PC: variants seen among roughly 807,000 people sequenced by gnomAD.
PC encodes pyruvate carboxylase, mitochondrial.
A neutral mutation model predicts 107.8 loss-of-function variants in PC; 46 were observed. That is an observed-to-expected ratio of 0.43 (90% confidence interval 0.34 to 0.55). The LOEUF is 0.55. Among genes scored for constraint, PC ranks in the 20% least tolerant of loss-of-function variants. The pLI, the probability that PC is intolerant of heterozygous loss-of-function variation, is 0.04. For synonymous variants in PC, 662 were observed against 684.7 expected, an observed-to-expected ratio of 0.97 and a Z score of 0.52; for missense variants, 1,241 against 1,643.1, an observed-to-expected ratio of 0.76 and a Z score of 4.23.
chr11:66,882,728 CG>C (rs1403453616), intron 3 of PC, among the ~76,000 whole-genome samples: 4 of 152,028 alleles, frequency 2.6e-5, no homozygotes, highest in Non-Finnish European at 4.4e-5. Context: ...GCAGAGCACT[CG>C]GGGCTGCGGC....
chr11:66,871,268 C>A lies in PC; in HGVS notation c.487+47G>T, dbSNP rs763419878. The A allele has an allele frequency of 4.8e-5, 78 of 1,613,974 alleles. No individual in the cohort carries two copies. The highest frequency in any genetic ancestry group is 4.3e-4 in the Admixed American group (26 of 60,012). On this transcript the variant is annotated intron_variant, in intron 6 of 22. Transcript: ENST00000393960. The surrounding 1 kb of genome is among the most constrained non-coding windows in gnomAD (Gnocchi z 7.4). ...CCCTGCCACCCCTCCCTGCTGGACC[C>A]TCTCCAGGAGCTGCGGGGCCACCCC...
At position 66,944,991 on chromosome 11, in the gene PC, G is replaced by A. The variant is rs1323723560; in HGVS notation, c.-1+7439C>T. On this transcript the variant is annotated intron_variant, in intron 3 of 22. Transcript: ENST00000393960. ...TTTCTAACAAGAATTTGATGGCAAT[G>A]GGCTCTCCAAAGATTGGTAGCTCTC... Among the ~76,000 whole-genome samples, 7 of 117,844 alleles carry A rather than the reference G, an allele frequency of 5.9e-5. 3 individuals carry two copies. The highest frequency in any genetic ancestry group is 2.1e-4 in the African/African-American group (7 of 32,850). 77.3% of individuals were successfully genotyped at this position (117,844 alleles called of 152,430 possible).
At chr11:66,907,441 C>T (rs1210091732) in intron 3 of PC, among the ~76,000 whole-genome samples, 7 of 152,110 alleles carry the variant, frequency 4.6e-5, no homozygotes, top group African/African-American at 1.4e-4. Flanking sequence ...GCAGAAGAAT[C>T]GCTTGAACCC....
intron 3 of PC, among the ~76,000 whole-genome samples, chr11:66,948,930 A>G (rs959533108): frequency 6.6e-6 from 1 of 152,110 alleles, no homozygotes; most frequent in Non-Finnish European, 1.5e-5. Context: ...GATTTACAAG[A>G]GTCATTTAGG....
Position 66,853,305 on chromosome 11 carries a change from C to T in PC, c.1447G>A (p.Glu483Lys), listed in dbSNP as rs778714142. 5 of 1,614,006 alleles carry T rather than the reference C, an allele frequency of 3.1e-6. No individual in the cohort carries two copies. Among genetic ancestry groups the T allele is most frequent in the Non-Finnish European group, 3.4e-6 (4 of 1,179,990 alleles). Residue 483 changes from glutamate to lysine, a missense_variant, in exon 13 of 23, where the codon GAG (glutamate) becomes AAG (lysine). Transcript: ENST00000393960. Reference protein sequence around the residue: ...AGTVDTQFIDENPELFQLRPA... With the variant: ...AGTVDTQFIDKNPELFQLRPA... ...CGCAGCTGGAACAGCTCTGGGTTCTCGTCGATGAACTGGGTGTCCACAGTG... is the reference window on the plus strand; with the variant it reads ...CGCAGCTGGAACAGCTCTGGGTTCTTGTCGATGAACTGGGTGTCCACAGTG...
In PC at chr11:66,870,325, C is replaced by G; in HGVS notation, c.880G>C (p.Asp294His). 6.2e-7 allele frequency: 1 copy of G among 1,613,532 alleles called. No homozygotes were observed. Among genetic ancestry groups the G allele is most frequent in the Non-Finnish European group, 8.5e-7 (1 of 1,180,016 alleles). The part of the protein sequence containing the change: ...DPQLRTRLTS[D>H]SVKLAKQVGY... ...ACCTGTTTAGCGAGTTTCACAGAGT[C>G]GCTGGTGAGCCGAGTCCGAAGCTGC... The change falls in exon 9 of 23, where the codon GAC (aspartate) becomes CAC (histidine). Residue 294 changes from aspartate (D) to histidine (H), a missense_variant. Physicochemically the swap from Asp to His is moderately conservative, Grantham distance 81. Around this residue, in one of 2 missense-constraint regions of PC, gnomAD observed 1,143 missense variants for 1,551.9 expected, o/e 0.74. Coordinates refer to ENST00000393960, the MANE Select transcript of PC (RefSeq NM_001040716.2). The surrounding 1 kb of genome is among the most constrained non-coding windows in gnomAD (Gnocchi z 6.1).
rs1947671762 is a variant in PC at position 66,894,248 on chromosome 11, G to A, written c.1-22089C>T. On this transcript the variant is annotated intron_variant, in intron 3 of 22. Coordinates refer to ENST00000393960, the MANE Select transcript of PC (RefSeq NM_001040716.2). ...TAGTGCACCCTGCCTGTCCAGCCTT[G>A]TCCCCCCATGCCCCAGCCTCCCGGA... Among the ~76,000 whole-genome samples, 3 of 151,990 alleles carry A rather than the reference G, an allele frequency of 2.0e-5. No homozygotes were observed. The South Asian group carries it at 6.2e-4, about 32-fold the overall frequency.
chr11:66,933,260 C>A (rs1326567779), intron 3 of PC, among the ~76,000 whole-genome samples: 1 of 152,094 alleles, frequency 6.6e-6, no homozygotes, highest in Non-Finnish European at 1.5e-5. Flanking sequence ...ACCCAGAAAC[C>A]GTCAGATGAG....
intron 3 of PC, among the ~76,000 whole-genome samples, chr11:66,872,817 C>A (rs1946795132): frequency 6.8e-6 from 1 of 147,670 alleles, no homozygotes; most frequent in African/African-American, 2.5e-5. Context: ...GGGAGGAGCA[C>A]CTTACATCAG....
In PC at chr11:66,858,373, C is replaced by A. The variant is rs537084771; in HGVS notation, c.1369-4990G>T. Reference sequence around the variant, plus strand: ...TCCAACCGCCTGGCCACGCTGGCTCCGGACCCGCTTTTCTCTCGTGGGCGT... The same window carrying A: ...TCCAACCGCCTGGCCACGCTGGCTCAGGACCCGCTTTTCTCTCGTGGGCGT... On this transcript the variant is annotated intron_variant, in intron 12 of 22. Coordinates refer to ENST00000393960, the MANE Select transcript of PC (RefSeq NM_001040716.2). The surrounding 1 kb of genome is among the most constrained non-coding windows in gnomAD (Gnocchi z 5.9). 6.3e-7 allele frequency: 1 copy of A among 1,583,396 alleles called. No individual in the cohort carries two copies.
chr11:66,860,141 A>G (rs1302239077), intron 12 of PC: 1 of 1,549,486 alleles, frequency 6.5e-7, no homozygotes, highest in East Asian at 2.4e-5. Flanking sequence ...TGCTCGGGGC[A>G]GGGTGCCGGG....
At chr11:66,947,463 T>C (rs1006403826) in intron 3 of PC, among the ~76,000 whole-genome samples, 1 of 151,618 alleles carries the variant, frequency 6.6e-6, no homozygotes, top group Non-Finnish European at 1.5e-5. Context: ...GGTGGGTGCC[T>C]GTAGTCCCAG....
intron 3 of PC, among the ~76,000 whole-genome samples, chr11:66,910,600 CA>C (rs1948308956): frequency 6.6e-6 from 1 of 152,176 alleles, no homozygotes; most frequent in South Asian, 2.1e-4. Flanking sequence ...CCGGTGGAAG[CA>C]AGATCTGCAT....
At chr11:66,938,433 C>A (rs1949049882) in intron 3 of PC, among the ~76,000 whole-genome samples, 1 of 152,052 alleles carries the variant, frequency 6.6e-6, no homozygotes, top group Non-Finnish European at 1.5e-5. Context: ...TTTCATCCCC[C>A]AAAACAATTT....
In PC at chr11:66,852,375, CT is replaced by C; in HGVS notation, c.1825+63del. The C allele has an allele frequency of 1.5e-6, 2 of 1,328,064 alleles. No individual in the cohort carries two copies. The highest frequency in any genetic ancestry group is 2.2e-6 in the Non-Finnish European group (2 of 920,402). 82.3% of individuals were successfully genotyped at this position (1,328,064 alleles called of 1,614,324 possible). On this transcript the variant is annotated intron_variant, in intron 15 of 22. Coordinates refer to ENST00000393960, the MANE Select transcript of PC (RefSeq NM_001040716.2). This position sits in a 1 kb window ranked among gnomAD's most constrained non-coding sequence, Gnocchi z 4.7. ...CTAGCTTGTCCCCAGTGGCCTAAGC[CT>C]GTGGGACTGGCCACAGAGCGGGCGC... is the stretch of plus-strand genomic sequence containing the variant.
At chr11:66,850,649 G>T in intron 18 of PC, 25 bp downstream of exon 18, 1 of 1,605,086 alleles carries the variant, frequency 6.2e-7, no homozygotes, top group Non-Finnish European at 8.5e-7. Flanking sequence ...AGAGGGGTGT[G>T]GCCACGGGCT....
chr11:66,853,175 T>G, intron 13 of PC, 64 bp downstream of exon 13: 3 of 1,573,472 alleles, frequency 1.9e-6, no homozygotes, highest in East Asian at 2.3e-5. Context: ...GGCAAGGAGG[T>G]AGGAGCAAGA....
At chr11:66,903,194 T>C (rs1948024053) in intron 3 of PC, among the ~76,000 whole-genome samples, 1 of 152,196 alleles carries the variant, frequency 6.6e-6, no homozygotes, top group East Asian at 1.9e-4. Flanking sequence ...CCAGACTGCC[T>C]TTCCCATCTT....
intron 3 of PC, among the ~76,000 whole-genome samples, chr11:66,910,006 GTTGAAAAATTCAACAAT>G (rs1411158455): frequency 6.6e-6 from 1 of 152,150 alleles, no homozygotes; most frequent in Non-Finnish European, 1.5e-5. Context: ...AAAGCCCGGT[GTTGAAAAATTCAACAAT>G]TAACCTTCCA....
Sources: allele counts gnomAD v4.1 joint callset (sites outside exome capture counted in the v4.1 genomes callset), GRCh38; gene constraint gnomAD v4.1.1; regional missense constraint gnomAD v4.1.1; non-coding constraint Gnocchi (gnomAD v3.1); transcripts MANE v1.5; gene names NCBI Gene and HGNC (gene_info 2026-07-23, HGNC 2026-07-21).